CNNM2: variants seen among roughly 807,000 people sequenced by gnomAD.
The protein encoded by CNNM2 is cyclin and CBS domain divalent metal cation transport mediator 2, also known as metal transporter CNNM2.
CNNM2 carries 12 observed loss-of-function variants against 66.9 expected under a neutral mutation model. The observed-to-expected ratio is 0.18, with a 90% CI of 0.11 to 0.29. The LOEUF is 0.29. Among genes scored for constraint, CNNM2 ranks in the 10% least tolerant of loss-of-function variants. The pLI, the probability that CNNM2 is intolerant of heterozygous loss-of-function variation, is 1.00. For missense variants in CNNM2, 705 were observed against 1,167.7 expected, an observed-to-expected ratio of 0.60 and a Z score of 5.77; for synonymous variants, 557 against 501.8, an observed-to-expected ratio of 1.11 and a Z score of -1.47.
chr10:103,015,261 G>A (rs1044848060), intron 1 of CNNM2, among the ~76,000 whole-genome samples: 9 of 152,134 alleles, frequency 5.9e-5, no homozygotes, highest in African/African-American at 1.4e-4. Flanking sequence ...TAACTTTGAG[G>A]CTTATTTATT....
intron 6 of CNNM2, among the ~76,000 whole-genome samples, chr10:103,072,592 G>A (rs774321010): frequency 5.9e-5 from 9 of 152,216 alleles, no homozygotes; most frequent in Non-Finnish European, 7.3e-5. Context: ...TTCCTATCCC[G>A]CTGCTGCCGA....
At chr10:103,023,151 T>G (rs373148683) in intron 1 of CNNM2, among the ~76,000 whole-genome samples, 2 of 152,184 alleles carry the variant, frequency 1.3e-5, no homozygotes, top group African/African-American at 4.8e-5. Context: ...GCAATTCACC[T>G]GCCTTAGCCT....
chr10:103,005,280 A>G (rs1331526548), intron 1 of CNNM2, among the ~76,000 whole-genome samples: 1 of 152,148 alleles, frequency 6.6e-6, no homozygotes, highest in East Asian at 1.9e-4. Flanking sequence ...ATTCTTAAGT[A>G]TATGATTCGT....
intron 1 of CNNM2, among the ~76,000 whole-genome samples, chr10:103,032,385 A>C (rs1400132686): frequency 6.6e-6 from 1 of 152,028 alleles, no homozygotes; most frequent in Non-Finnish European, 1.5e-5. Context: ...TGGGAGATGG[A>C]GGTTGCAGCG....
At chr10:102,934,259 ATTTCTTTCTTTC>A (rs933320378) in intron 1 of CNNM2, among the ~76,000 whole-genome samples, 1 of 146,178 alleles carries the variant, frequency 6.8e-6, no homozygotes, top group East Asian at 2.0e-4. Flanking sequence ...AAGCAAGTCT[ATTTCTTTCTTTC>A]TTTCTTTCTT....
chr10:102,972,229 G>A (rs2063556337), intron 1 of CNNM2, among the ~76,000 whole-genome samples: 1 of 152,150 alleles, frequency 6.6e-6, no homozygotes, highest in Non-Finnish European at 1.5e-5. Context: ...GAATAATTTA[G>A]GGGAATTTTT....
chr10:102,926,629 T>C (rs1845870055), intron 1 of CNNM2, among the ~76,000 whole-genome samples: 1 of 151,844 alleles, frequency 6.6e-6, no homozygotes, highest in Admixed American at 6.6e-5. Context: ...CACTGCAGCC[T>C]CGACCTCCCA....
At chr10:102,933,235 A>C (rs1354558403) in intron 1 of CNNM2, among the ~76,000 whole-genome samples, 1 of 152,206 alleles carries the variant, frequency 6.6e-6, no homozygotes, top group Admixed American at 6.5e-5. Flanking sequence ...TTGCAATGTT[A>C]ACAGTACAAA....
intron 1 of CNNM2, among the ~76,000 whole-genome samples, chr10:102,969,253 G>A (rs930504066): frequency 1.5e-4 from 22 of 150,064 alleles, no homozygotes; most frequent in African/African-American, 3.9e-4. Context: ...TCGCCCTGTC[G>A]CCCAGGTTGG....
At position 103,088,472 on chromosome 10, in the gene CNNM2, C is replaced by T. The variant is rs1289743999; in HGVS notation, c.*11292C>T. 6.6e-6 allele frequency: 1 copy of T among 152,302 alleles called. No homozygotes were observed. The highest frequency in any genetic ancestry group is 1.5e-5 in the Non-Finnish European group (1 of 68,104). 9.4% of individuals were successfully genotyped at this position (152,302 alleles called of 1,614,324 possible). ...CAATCCTGGCTCACTGCAACCTCCG[C>T]CTCCTGGGTTCAAGCAATTCTCCTG... On this transcript the variant is annotated 3_prime_UTR_variant, in exon 8 of 8. Transcript: ENST00000369878.
At chr10:102,943,429 A>C (rs112284069) in intron 1 of CNNM2, among the ~76,000 whole-genome samples, 337 of 152,256 alleles carry the variant, frequency 2.2e-3, no homozygotes, top group African/African-American at 7.6e-3. Context: ...CAACATAGCA[A>C]AACCCCATCT....
intron 1 of CNNM2, among the ~76,000 whole-genome samples, chr10:103,018,785 A>C (rs1371474496): frequency 2.1e-5 from 3 of 140,944 alleles, no homozygotes; most frequent in Non-Finnish European, 4.5e-5. Context: ...CAGCCCCCCG[A>C]GTAGCTGGGA....
At chr10:103,048,796 A>G (rs2065170949) in intron 1 of CNNM2, among the ~76,000 whole-genome samples, 1 of 152,228 alleles carries the variant, frequency 6.6e-6, no homozygotes, top group South Asian at 2.1e-4. Flanking sequence ...ATGTTGTCAT[A>G]CAGATTACCA....
At chr10:102,966,987 A>G (rs1387798718) in intron 1 of CNNM2, among the ~76,000 whole-genome samples, 2 of 152,184 alleles carry the variant, frequency 1.3e-5, no homozygotes, top group Non-Finnish European at 1.5e-5. Flanking sequence ...TGGTAGGTCC[A>G]TGGGGCTACC....
Position 103,054,543 on chromosome 10 carries a change from G to C in CNNM2, c.1903+77G>C, listed in dbSNP as rs1047367903. On this transcript the variant is annotated intron_variant, in intron 3 of 7. Transcript: ENST00000369878. The surrounding 1 kb of genome is among the most constrained non-coding windows in gnomAD (Gnocchi z 5.2). ...TCTCACCCACCACTGACTGGGGTGGGTTGGGGGTGGACACTGGGAAATGGG... is the reference window on the plus strand; with the variant it reads ...TCTCACCCACCACTGACTGGGGTGGCTTGGGGGTGGACACTGGGAAATGGG... The C allele has an allele frequency of 1.3e-6, 2 of 1,506,554 alleles. No individual in the cohort carries two copies. The highest frequency in any genetic ancestry group is 2.8e-5 in the African/African-American group (2 of 71,898). 93.3% of individuals were successfully genotyped at this position (1,506,554 alleles called of 1,614,324 possible). A position where few individuals can be genotyped will look rare whatever the true frequency, so the allele number is the denominator to read the frequency against.
intron 1 of CNNM2, among the ~76,000 whole-genome samples, chr10:102,957,282 G>A (rs887114815): frequency 4.6e-5 from 7 of 152,130 alleles, no homozygotes; most frequent in Admixed American, 4.6e-4. Flanking sequence ...CTCCAGCCTG[G>A]GCAACAGAGC....
intron 1 of CNNM2, among the ~76,000 whole-genome samples, chr10:103,043,624 G>C (rs1036378468): frequency 5.3e-5 from 8 of 152,226 alleles, no homozygotes; most frequent in African/African-American, 1.7e-4. Context: ...ACTTTAATTT[G>C]TGGAGCAGTG....
At chr10:103,067,753 AAAG>A (rs1250296217) in intron 4 of CNNM2, among the ~76,000 whole-genome samples, 2 of 152,318 alleles carry the variant, frequency 1.3e-5, no homozygotes, top group South Asian at 2.1e-4. Context: ...TCATCAAGGT[AAAG>A]AAGAAGTTGT....
intron 1 of CNNM2, among the ~76,000 whole-genome samples, chr10:102,931,356 CTTTTTTTTTTT>C (rs66613815): frequency 8.4e-6 from 1 of 119,266 alleles, no homozygotes; most frequent in Non-Finnish European, 1.7e-5. Context: ...TTCCTTCTTT[CTTTTTTTTTTT>C]TTTTTTTCGA....
Sources: allele counts gnomAD v4.1 joint callset (sites outside exome capture counted in the v4.1 genomes callset), GRCh38; gene constraint gnomAD v4.1.1; non-coding constraint Gnocchi (gnomAD v3.1); transcripts MANE v1.5; gene names NCBI Gene and HGNC (gene_info 2026-07-23, HGNC 2026-07-21).